CHRDL1: variants seen among roughly 807,000 people sequenced by gnomAD.
CHRDL1 encodes the protein chordin like 1.
CHRDL1 carries 19 observed loss-of-function variants against 40.9 expected under a neutral mutation model. That is an observed-to-expected ratio of 0.46 (90% CI 0.32 to 0.68). The LOEUF (loss-of-function observed/expected upper bound fraction) is 0.68. CHRDL1 is among the 30% of genes least tolerant of loss of function. The probability of loss-of-function intolerance (pLI) is 0.03; values close to 1 mark genes in which losing one functional copy is unlikely to be tolerated. For missense variants in CHRDL1, 329 were observed against 352.1 expected (o/e 0.93, Z 0.53); for synonymous variants, 136 against 123.4 (o/e 1.10, Z -0.68).
intron 10 of CHRDL1, among the ~76,000 whole-genome samples, chrX:110,680,505 C>T (rs1378922933): frequency 8.9e-6 from 1 of 111,869 alleles, no homozygotes; most frequent in African/African-American, 3.3e-5. Flanking sequence ...GTCCAAGTGC[C>T]ACCTGCATTA....
At chrX:110,779,814 A>G (rs765799333) in intron 2 of CHRDL1, among the ~76,000 whole-genome samples, 1 of 111,698 alleles carries the variant, frequency 9.0e-6, no homozygotes, top group Non-Finnish European at 1.9e-5. Context: ...CTAAACACAA[A>G]CATGGAGTAT....
rs1396012490 is a variant in CHRDL1, at chrX:110,705,478, ATAC to A, written c.542-4760_542-4758del. Among the ~76,000 whole-genome samples, 518 of 97,689 alleles carry A rather than the reference ATAC, an allele frequency of 5.3e-3. 5 individuals carry two copies. Among genetic ancestry groups the A allele is most frequent in the African/African-American group, 0.023 (496 of 21,149 alleles). 84.8% of individuals were successfully genotyped at this position (97,689 alleles called of 115,157 possible). ...ATTACATATATATATCATCTATATC[ATAC>A]TAAAACTGTATGATATATATATATA... On this transcript the variant is annotated intron_variant, in intron 6 of 11. Transcript: ENST00000372042.
At chrX:110,745,980 T>C (rs2089241179) in intron 4 of CHRDL1, among the ~76,000 whole-genome samples, 1 of 112,264 alleles carries the variant, frequency 8.9e-6, no homozygotes, top group Admixed American at 9.4e-5. Flanking sequence ...CCATGCGTTG[T>C]GTTCCTACTT....
intron 3 of CHRDL1, among the ~76,000 whole-genome samples, chrX:110,761,649 G>T (rs1367708279): frequency 9.0e-6 from 1 of 111,634 alleles, no homozygotes; most frequent in Non-Finnish European, 1.9e-5. Context: ...ATGGGTAGAG[G>T]CCAGGGATAC....
chrX:110,746,713 G>T (rs1341303177), intron 4 of CHRDL1, among the ~76,000 whole-genome samples: 2 of 111,336 alleles, frequency 1.8e-5, no homozygotes, highest in African/African-American at 6.5e-5. Flanking sequence ...CTATCATTGG[G>T]ATCTAGAGGA....
chrX:110,754,307 T>A (rs929212519), intron 4 of CHRDL1, among the ~76,000 whole-genome samples: 4 of 112,712 alleles, frequency 3.5e-5, no homozygotes, highest in Non-Finnish European at 7.5e-5. Context: ...TAAACTGTGT[T>A]AGTATTTCAT....
At chrX:110,689,406 C>CTA (rs1206328189) in intron 8 of CHRDL1, among the ~76,000 whole-genome samples, 6 of 37,865 alleles carry the variant, frequency 1.6e-4, no homozygotes, top group East Asian at 3.2e-4. Flanking sequence ...CTATATATAT[C>CTA]TATATATCTA....
intron 11 of CHRDL1, among the ~76,000 whole-genome samples, chrX:110,677,811 A>T (rs2069810264): frequency 8.9e-6 from 1 of 111,736 alleles, no homozygotes; most frequent in African/African-American, 3.3e-5. Context: ...ACATGTTCCA[A>T]GTGAAACTCT....
chrX:110,737,095 T>C (rs1360298257), intron 4 of CHRDL1, among the ~76,000 whole-genome samples: 1 of 111,874 alleles, frequency 8.9e-6, no homozygotes, highest in Non-Finnish European at 1.9e-5. Flanking sequence ...ATCCCCACTA[T>C]TTCCTCTGGA....
intron 8 of CHRDL1, among the ~76,000 whole-genome samples, chrX:110,689,072 G>GTATATATATATA (rs758293619): frequency 5.5e-4 from 17 of 31,154 alleles, no homozygotes; most frequent in African/African-American, 2.0e-3. Context: ...ATATATATAT[G>GTATATATATATA]TATATATATA....
chrX:110,700,850 G>A, intron 6 of CHRDL1, 129 bp from the exon 7 acceptor site: 1 of 441,386 alleles, frequency 2.3e-6, no homozygotes, highest in South Asian at 5.0e-5. Flanking sequence ...TTTTGTGGCT[G>A]TCCTTCAAAA....
At chrX:110,750,439 G>A (rs912388828) in intron 4 of CHRDL1, among the ~76,000 whole-genome samples, 2 of 111,135 alleles carry the variant, frequency 1.8e-5, no homozygotes, top group Non-Finnish European at 1.9e-5. Flanking sequence ...CCTGGTTCAA[G>A]GGTCAGTCTG....
At chrX:110,745,264 G>A (rs2071431605) in intron 4 of CHRDL1, among the ~76,000 whole-genome samples, 1 of 111,578 alleles carries the variant, frequency 9.0e-6, no homozygotes, top group Admixed American at 9.5e-5. Context: ...GGAGAGAGAT[G>A]AGGATATGAG....
chrX:110,705,512 T>C (rs377290937), intron 6 of CHRDL1, among the ~76,000 whole-genome samples: 1 of 104,936 alleles, frequency 9.5e-6, no homozygotes. Context: ...ATATATATCA[T>C]CTATATCATA....
At chrX:110,753,621 G>A (rs1373451754) in intron 4 of CHRDL1, among the ~76,000 whole-genome samples, 1 of 111,711 alleles carries the variant, frequency 9.0e-6, no homozygotes, top group East Asian at 2.8e-4. Context: ...AAAAAAACTG[G>A]AGGAAACACA....
chrX:110,732,122 A>C, intron 4 of CHRDL1, among the ~76,000 whole-genome samples: 1 of 111,428 alleles, frequency 9.0e-6, no homozygotes. Flanking sequence ...AAGAAGAGAA[A>C]GGTAAATTAA....
intron 6 of CHRDL1, among the ~76,000 whole-genome samples, chrX:110,708,705 G>T (rs778643117): frequency 2.7e-5 from 3 of 111,604 alleles, no homozygotes; most frequent in Non-Finnish European, 5.6e-5. Context: ...TTGTGAGAAT[G>T]CATGCGTTTC....
intron 2 of CHRDL1, among the ~76,000 whole-genome samples, chrX:110,781,787 A>G (rs1238296310): frequency 3.6e-5 from 4 of 112,237 alleles, no homozygotes; most frequent in African/African-American, 6.5e-5. Flanking sequence ...AGGACAGTAT[A>G]TATTGATGTG....
At chrX:110,794,648 G>A (rs2090155019) in intron 1 of CHRDL1, among the ~76,000 whole-genome samples, 1 of 112,630 alleles carries the variant, frequency 8.9e-6, no homozygotes, top group African/African-American at 3.2e-5. Context: ...GTGACTGCAA[G>A]GCAATCTGGG....
Sources: gnomAD v4.1 joint callset for allele counts (sites outside exome capture counted in the v4.1 genomes callset) on GRCh38, gnomAD v4.1.1 for gene constraint, MANE v1.5 for transcripts, NCBI Gene and HGNC (gene_info 2026-07-23, HGNC 2026-07-21) for gene names.